MCF2L: variants seen among roughly 807,000 people sequenced by gnomAD.
The protein encoded by MCF2L is guanine nucleotide exchange factor DBS.
Under a neutral mutation model 153.4 loss-of-function variants are expected in MCF2L, and 97 were observed. The ratio of observed to expected loss-of-function variants is 0.63; its 90% CI spans 0.54 to 0.75. The LOEUF (loss-of-function observed/expected upper bound fraction) is 0.75, where lower values mean the gene tolerates loss of function less well. MCF2L is among the 30% of genes least tolerant of loss of function. The pLI is 0.00. For synonymous variants in MCF2L, 659 were observed against 632.2 expected, an observed-to-expected ratio of 1.04 and a Z score of -0.64; for missense variants, 1,347 against 1,495.2, an observed-to-expected ratio of 0.90 and a Z score of 1.64.
intron 1 of MCF2L, among the ~76,000 whole-genome samples, chr13:112,977,052 T>C (rs2082240182): frequency 6.6e-6 from 1 of 151,646 alleles, no homozygotes. Flanking sequence ...GCACGGCGGC[T>C]CCCACCCGCA....
chr13:113,081,402 C>G (rs1158877454), intron 16 of MCF2L, 123 bp downstream of exon 16: 2 of 952,708 alleles, frequency 2.1e-6, no homozygotes, highest in Non-Finnish European at 3.1e-6. Context: ...TGAGAGAGCG[C>G]CCACAGCAGC....
At chr13:112,926,446 C>T (rs1403811792) in intron 2 of MCF2L, among the ~76,000 whole-genome samples, 6 of 151,492 alleles carry the variant, frequency 4.0e-5, no homozygotes, top group East Asian at 3.9e-4. Context: ...CTATACACAG[C>T]GGAGTACTGT....
rs867101027 is a variant in MCF2L, at chr13:113,072,520, G to A, written c.997-1924G>A. Among the ~76,000 whole-genome samples, 241 of 152,314 alleles carry A rather than the reference G, an allele frequency of 1.6e-3. 1 individual carries two copies. Among genetic ancestry groups the A allele is most frequent in the African/African-American group, 5.6e-3 (233 of 41,570 alleles). On this transcript the variant is annotated intron_variant, in intron 9 of 29. Coordinates refer to ENST00000535094, the MANE Select transcript of MCF2L (RefSeq NM_001112732.3). The stretch of plus-strand genomic sequence containing the variant: ...CTCAATAAAACTATCTGGGCCTAGA[G>A]ATTTCTTTGGGAGACTTTTAAAATT...
At chr13:112,998,448 G>C (rs1594561675) in intron 1 of MCF2L, among the ~76,000 whole-genome samples, 1 of 152,324 alleles carries the variant, frequency 6.6e-6, no homozygotes, top group East Asian at 1.9e-4. Context: ...GAGGGTCCTG[G>C]AGGCCTCACC....
intron 8 of MCF2L, among the ~76,000 whole-genome samples, chr13:113,066,557 T>G (rs1217958430): frequency 6.6e-6 from 1 of 152,166 alleles, no homozygotes; most frequent in Non-Finnish European, 1.5e-5. Flanking sequence ...CTGCAGATAG[T>G]GTTTCTTACT....
At chr13:113,056,059 A>G (rs1451218428) in intron 4 of MCF2L, among the ~76,000 whole-genome samples, 2 of 152,198 alleles carry the variant, frequency 1.3e-5, no homozygotes, top group African/African-American at 4.8e-5. Flanking sequence ...TCCCCACGCA[A>G]TGCAGATGAA....
intron 2 of MCF2L, among the ~76,000 whole-genome samples, chr13:113,021,067 T>C (rs2084854363): frequency 6.6e-6 from 1 of 152,128 alleles, no homozygotes. Flanking sequence ...TGTGTGTATA[T>C]ATAGGTGTGT....
At chr13:112,962,053 ACG>A (rs2081834453) in intron 2 of MCF2L, among the ~76,000 whole-genome samples, 15 of 133,214 alleles carry the variant, frequency 1.1e-4, no homozygotes, top group Admixed American at 1.1e-3. Context: ...ACACACGGAC[ACG>A]CACACACATG....
intron 20 of MCF2L, among the ~76,000 whole-genome samples, 183 bp from the exon 21 acceptor site, chr13:113,085,941 G>C (rs2034599458): frequency 6.6e-6 from 1 of 151,750 alleles, no homozygotes; most frequent in South Asian, 2.1e-4. Flanking sequence ...TGGCAGGGGT[G>C]CTGCCCCATC....
At chr13:112,909,021 G>A (rs1423617296) in intron 2 of MCF2L, among the ~76,000 whole-genome samples, 5 of 152,154 alleles carry the variant, frequency 3.3e-5, no homozygotes, top group South Asian at 2.1e-4. Flanking sequence ...ACCGCGCCCC[G>A]CCCATGCTTA....
intron 2 of MCF2L, among the ~76,000 whole-genome samples, chr13:112,955,694 T>C (rs1446652805): frequency 6.6e-6 from 1 of 152,180 alleles, no homozygotes; most frequent in African/African-American, 2.4e-5. Flanking sequence ...CGCTGGAGGC[T>C]GTTTCCATTC....
intron 1 of MCF2L, among the ~76,000 whole-genome samples, chr13:112,898,601 G>A (rs908261871): frequency 5.3e-5 from 8 of 151,916 alleles, no homozygotes; most frequent in Non-Finnish European, 7.4e-5. Context: ...TTCCCTCCCC[G>A]GTGGTACTCC....
rs779866543 is a variant in MCF2L, at chr13:113,082,401, C to T, written c.1876-26C>T. 17 of 1,502,148 alleles carry T rather than the reference C, an allele frequency of 1.1e-5. No homozygotes were observed. The East Asian group carries it at 2.0e-4, about 18-fold the overall frequency. The allele number at this position is 1,502,148 out of a possible 1,614,324, so 93.1% of individuals were successfully genotyped here. ...CCCACAGCATCAGGCCCAGGACCCC[C>T]GCCGACCTCTGCGCTCTCCCTGCAG... On this transcript the variant is annotated intron_variant, in intron 16 of 29. Transcript: ENST00000535094.
chr13:112,918,630 G>A lies in MCF2L; in HGVS notation c.169+16259G>A, dbSNP rs186021325. 5.9e-5 allele frequency among the ~76,000 whole-genome samples: 9 copies of A among 152,324 alleles called. No individual in the cohort carries two copies. The East Asian group carries it at 1.7e-3, about 29-fold the overall frequency. ...GTCAGCTGCCTTGGAAGATTCCAGT[G>A]ATGAACAGGGGCAGAGCTGGTGTCT... On this transcript the variant is annotated intron_variant, in intron 2 of 29. Coordinates refer to the MCF2L transcript ENST00000375608.
intron 2 of MCF2L, among the ~76,000 whole-genome samples, chr13:113,016,530 A>G (rs1232948866): frequency 2.0e-5 from 3 of 152,268 alleles, no homozygotes; most frequent in Middle Eastern, 3.4e-3. Context: ...CTGAGCGTCA[A>G]TGGTCTTGGG....
intron 29 of MCF2L, 33 bp downstream of exon 29, chr13:113,096,686 CGCTGCCAAGGGCCCGGGCGAGGAA>C: frequency 1.3e-6 from 2 of 1,562,880 alleles, no homozygotes; most frequent in Non-Finnish European, 1.7e-6. Context: ...CCACCCGTGA[CGCTGCCAAGGGCCCGGGCGAGGAA>C]GCTGCCCCGT....
chr13:112,985,152 T>G, intron 1 of MCF2L: 2 of 295,638 alleles, frequency 6.8e-6, no homozygotes, highest in Non-Finnish European at 1.4e-5. Context: ...GGGCACGGTG[T>G]GTCGCCTGGA....
chr13:112,991,495 A>G lies in MCF2L; in HGVS notation c.79+22037A>G, dbSNP rs374169486. On this transcript the variant is annotated intron_variant, in intron 1 of 29. Transcript: ENST00000535094. ...GACACATTATCCAGTTACAGTACTCATTCCACAAGGAAATAATAGCAGATT... is the reference window on the plus strand; with the variant it reads ...GACACATTATCCAGTTACAGTACTCGTTCCACAAGGAAATAATAGCAGATT... Among the ~76,000 whole-genome samples, 21 of 152,364 alleles carry G rather than the reference A, an allele frequency of 1.4e-4. No individual in the cohort carries two copies. The East Asian group carries it at 3.7e-3, about 27-fold the overall frequency.
chr13:113,088,089 G>A (rs1170641610), intron 23 of MCF2L, among the ~76,000 whole-genome samples: 1 of 152,222 alleles, frequency 6.6e-6, no homozygotes, highest in Non-Finnish European at 1.5e-5. Flanking sequence ...CGATTCTCAC[G>A]GTGGGGAGGG....
Sources: gnomAD v4.1 joint callset for allele counts (sites outside exome capture counted in the v4.1 genomes callset) on GRCh38, gnomAD v4.1.1 for gene constraint, MANE v1.5 for transcripts, NCBI Gene and HGNC (gene_info 2026-07-23, HGNC 2026-07-21) for gene names.